Variants in SUN1 observed in about 807,000 individuals in gnomAD.
SUN1 encodes SUN domain-containing protein 1.
SUN1 carries 61 observed loss-of-function variants against 103.2 expected under a neutral mutation model. The observed-to-expected ratio is 0.59, with a 90% CI of 0.48 to 0.73. SUN1 has a LOEUF of 0.73. Ranked by LOEUF, SUN1 falls within the 30% of genes least tolerant of loss-of-function variation. SUN1 has a pLI of 0.00. For missense variants in SUN1, 1,052 were observed against 1,034.6 expected (o/e 1.02, Z -0.23); for synonymous variants, 490 against 425.7 (o/e 1.15, Z -1.86).
At chr7:829,778 T>G (rs1455829254), upstream of SUN1, among the ~76,000 whole-genome samples, 2 of 152,138 alleles carry the variant, frequency 1.3e-5, no homozygotes, top group Non-Finnish European at 2.9e-5. Context: ...ATGGTCTCGA[T>G]CTCTCGACCT....
intron 1 of SUN1, among the ~76,000 whole-genome samples, chr7:826,489 G>A (rs544253030): frequency 8.7e-4 from 133 of 152,332 alleles, no homozygotes; most frequent in African/African-American, 3.1e-3. Flanking sequence ...AGGCCCTGCC[G>A]AGGCCGGGGG....
chr7:833,776 C>T (rs550764321), intron 1 of SUN1, among the ~76,000 whole-genome samples: 61 of 152,350 alleles, frequency 4.0e-4, no homozygotes, highest in African/African-American at 9.9e-4. Flanking sequence ...GCAACACACT[C>T]TGTTTTCTAA....
At position 873,274 on chromosome 7, in the gene SUN1, C is replaced by T. The variant is rs763864336; in HGVS notation, c.2301C>T (p.Gly767=). Residue 767 remains glycine, a synonymous_variant, in exon 19 of 19, where the codon GGC becomes GGT. Coordinates refer to ENST00000401592, the MANE Select transcript of SUN1 (RefSeq NM_001130965.3). ...AACTTCGGATTTTTTCTAACTGGGG[C>T]CATCCTGAGTATACCTGTCTGTATC... The part of the protein sequence containing the change: ...IVELRIFSNW[G]HPEYTCLYRF... 1.2e-6 allele frequency: 2 copies of T among 1,614,112 alleles called. No individual in the cohort carries two copies. The highest frequency in any genetic ancestry group is 1.7e-6 in the Non-Finnish European group (2 of 1,180,054).
intron 1 of SUN1, among the ~76,000 whole-genome samples, chr7:821,358 C>T (rs924231429): frequency 2.0e-5 from 3 of 151,906 alleles, no homozygotes; most frequent in Non-Finnish European, 4.4e-5. Context: ...TTAGTAGAGA[C>T]AAGGTTTCAC....
rs371238417 is a variant in SUN1, at chr7:873,484, G to A, written c.*153G>A. 2.6e-5 allele frequency: 20 copies of A among 767,362 alleles called. No individual in the cohort carries two copies. The highest frequency in any genetic ancestry group is 5.3e-5 in the East Asian group (2 of 38,022). 47.5% of individuals were successfully genotyped at this position (767,362 alleles called of 1,614,324 possible). ...TGGCCAGAGGACGTGAGCGTGTGAC[G>A]GGCGCCTTGGCGCCACCTGTTGGGT... On this transcript the variant is annotated 3_prime_UTR_variant, in exon 19 of 19. Transcript: ENST00000401592.
In SUN1 at chr7:857,815, T is replaced by C. The variant is rs776461152; in HGVS notation, c.1395-13T>C. 1.3e-6 allele frequency: 2 copies of C among 1,569,152 alleles called. No homozygotes were observed. Among genetic ancestry groups the C allele is most frequent in the Non-Finnish European group, 8.7e-7 (1 of 1,150,850 alleles). On this transcript the variant is annotated splice_polypyrimidine_tract_variant and intron_variant, in intron 12 of 18. Transcript: ENST00000401592. Reference sequence around the variant, plus strand: ...AGGCTTGTGTGTGACCCATTCTCACTGTTGGATTCCAGTGCGGTTGGTGAG... The same window carrying C: ...AGGCTTGTGTGTGACCCATTCTCACCGTTGGATTCCAGTGCGGTTGGTGAG...
intron 11 of SUN1, among the ~76,000 whole-genome samples, chr7:855,529 A>G (rs957099390): frequency 1.3e-5 from 2 of 152,170 alleles, no homozygotes; most frequent in African/African-American, 4.8e-5. Flanking sequence ...GGTGCTTGAC[A>G]CAGAGCCTGG....
chr7:846,928 C>A (rs1253745022), intron 5 of SUN1, among the ~76,000 whole-genome samples: 1 of 152,088 alleles, frequency 6.6e-6, no homozygotes, highest in Non-Finnish European at 1.5e-5. Flanking sequence ...GCAGGAGGAT[C>A]ACTTAGGCCC....
At chr7:858,074 C>A (rs145652257) in intron 13 of SUN1, 117 bp downstream of exon 13, 15 of 1,268,662 alleles carry the variant, frequency 1.2e-5, no homozygotes, top group Non-Finnish European at 1.4e-5. Flanking sequence ...TTTTTGAAAC[C>A]GAGTCTTGCT....
At chr7:860,991 G>A (rs542110680) in intron 14 of SUN1, among the ~76,000 whole-genome samples, 2 of 152,330 alleles carry the variant, frequency 1.3e-5, no homozygotes. Context: ...TGCAATTCAA[G>A]ATGAGATCTG....
intron 15 of SUN1, among the ~76,000 whole-genome samples, chr7:861,786 C>T (rs189649389): frequency 5.3e-5 from 8 of 152,364 alleles, no homozygotes; most frequent in African/African-American, 9.6e-5. Flanking sequence ...TCAGGAGAGA[C>T]TCAGCAGTGA....
chr7:851,319 G>T, intron 5 of SUN1, 65 bp from the exon 6 acceptor site: 1 of 1,421,028 alleles, frequency 7.0e-7, no homozygotes. Context: ...CGTCCCCACC[G>T]TGCTGTCACT....
Position 817,183 on chromosome 7 carries a change from C to G in SUN1, c.-74+510C>G, listed in dbSNP as rs1339024861. The G allele has an allele frequency of 7.4e-6, 4 of 538,632 alleles. No homozygotes were observed. In the East Asian group the frequency reaches 1.3e-4, roughly 18 times the overall value. 33.4% of individuals were successfully genotyped at this position (538,632 alleles called of 1,614,324 possible). ...CTGTGTTTCCCAGGCTGGTCTCGAC[C>G]TCCTGAGCGCGAGCTATCCTCCCGC... On this transcript the variant is annotated intron_variant, in intron 1 of 17. Transcript: ENST00000389574.
At chr7:873,163 T>G in intron 18 of SUN1, 52 bp from the exon 19 acceptor site, 1 of 1,520,666 alleles carries the variant, frequency 6.6e-7, no homozygotes. Context: ...TGATTGGACT[T>G]GGGGTTATTA....
rs367914689 is a variant in SUN1, at chr7:850,248, G to A, written c.659-1136G>A. On this transcript the variant is annotated intron_variant, in intron 5 of 18. Transcript: ENST00000401592. ...GAGTCTCACTCTGTTGCCCAGGCTG[G>A]AGTGCAGTGGTGCAATCTTGGCTCA... The A allele has an allele frequency of 1.7e-5, 9 of 535,530 alleles. No homozygotes were observed. The East Asian group carries it at 2.0e-4, about 12-fold the overall frequency. The allele number at this position is 535,530 out of a possible 1,614,324, so 33.2% of individuals were successfully genotyped here.
chr7:832,348 G>A (rs1386203354), upstream of SUN1, among the ~76,000 whole-genome samples: 5 of 152,130 alleles, frequency 3.3e-5, no homozygotes, highest in Non-Finnish European at 5.9e-5. Flanking sequence ...CACTTGTCTC[G>A]TCTGTTTAGA....
rs533309254 is a variant in SUN1 at position 852,604 on chromosome 7, C to A, written c.852-5C>A. ...TAAGTCAAAGGTTTTCATTGTTACT[C>A]CCAGGTGCCTTCGAAACATCTGCAA... is the stretch of plus-strand genomic sequence containing the variant. On this transcript the variant is annotated splice_polypyrimidine_tract_variant and splice_region_variant and intron_variant, in intron 7 of 18. Transcript: ENST00000401592. 2.0e-5 allele frequency: 32 copies of A among 1,614,170 alleles called. No homozygotes were observed. The South Asian group carries it at 3.4e-4, about 17-fold the overall frequency.
intron 1 of SUN1, chr7:817,327 G>GT (rs1781650855): frequency 8.3e-7 from 1 of 1,203,448 alleles, no homozygotes; most frequent in Non-Finnish European, 1.2e-6. Context: ...AGGCTCAAGC[G>GT]ATCCCCTCGC....
At chr7:858,010 CTTGAA>C (rs1212232226) in intron 13 of SUN1, 53 bp downstream of exon 13, 3 of 1,496,278 alleles carry the variant, frequency 2.0e-6, no homozygotes, top group African/African-American at 1.4e-5. Context: ...TAAAAGAAAA[CTTGAA>C]TTGATGACTT....
Sources: allele counts gnomAD v4.1 joint callset (sites outside exome capture counted in the v4.1 genomes callset), GRCh38; gene constraint gnomAD v4.1.1; transcripts MANE v1.5; gene names NCBI Gene and HGNC (gene_info 2026-07-23, HGNC 2026-07-21).